DLG2: variants seen among roughly 807,000 people sequenced by gnomAD.
The protein encoded by DLG2 is disks large homolog 2.
DLG2 carries 45 observed loss-of-function variants against 132.5 expected under a neutral mutation model. That is an observed-to-expected ratio of 0.34 (90% CI 0.27 to 0.44). The LOEUF is 0.44. DLG2 is among the 20% of genes least tolerant of loss of function. The pLI, the probability that DLG2 is intolerant of heterozygous loss-of-function variation, is 1.00. For missense variants in DLG2, 1,045 were observed against 1,196.9 expected, an observed-to-expected ratio of 0.87 and a Z score of 1.87; for synonymous variants, 424 against 419.6, an observed-to-expected ratio of 1.01 and a Z score of -0.13.
At chr11:84,483,323 T>C (rs207472097) in intron 7 of DLG2, among the ~76,000 whole-genome samples, 1 of 150,554 alleles carries the variant, frequency 6.6e-6, no homozygotes, top group African/African-American at 2.5e-5. Flanking sequence ...TCCCAGCTAC[T>C]TGGGAGGCTA....
chr11:85,194,321 T>C (rs1222814581), intron 4 of DLG2, among the ~76,000 whole-genome samples: 2 of 152,108 alleles, frequency 1.3e-5, no homozygotes, highest in African/African-American at 2.4e-5. Context: ...GGAAAGAGTA[T>C]GGAAAAGCTG....
At chr11:85,207,701 A>ATTCATAT (rs1472684051) in intron 4 of DLG2, among the ~76,000 whole-genome samples, 1 of 152,090 alleles carries the variant, frequency 6.6e-6, no homozygotes, top group Non-Finnish European at 1.5e-5. Context: ...ATATCCAAAA[A>ATTCATAT]TTCATATTTT....
intron 6 of DLG2, chr11:84,922,942 G>T: frequency 9.2e-7 from 1 of 1,081,170 alleles, no homozygotes; most frequent in Non-Finnish European, 1.4e-6. Context: ...ATAAAACAAA[G>T]CCTTTGCAAC....
intron 3 of DLG2, among the ~76,000 whole-genome samples, chr11:85,392,932 C>A (rs191052556): frequency 1.4e-4 from 21 of 152,094 alleles, no homozygotes; most frequent in African/African-American, 4.8e-4. Context: ...ACTTGATAAC[C>A]AAGAACACAA....
At chr11:84,130,091 A>T (rs936454523) in intron 9 of DLG2, among the ~76,000 whole-genome samples, 1 of 152,052 alleles carries the variant, frequency 6.6e-6, no homozygotes, top group African/African-American at 2.4e-5. Context: ...TATTCTTGAG[A>T]TAGCACATAG....
chr11:83,652,009 CCT>C (rs1389288266), intron 18 of DLG2: 1 of 329,118 alleles, frequency 3.0e-6, no homozygotes, highest in Non-Finnish European at 6.4e-6. Flanking sequence ...CAAATTTGGC[CCT>C]GTTAGAGAAT....
Position 83,457,657 on chromosome 11 carries a change from C to G in DLG2, c.*2161G>C, listed in dbSNP as rs1237375122. 2.6e-5 allele frequency: 4 copies of G among 152,256 alleles called. No individual in the cohort carries two copies. Among genetic ancestry groups the G allele is most frequent in the Non-Finnish European group, 5.9e-5 (4 of 68,028 alleles). 9.4% of individuals were successfully genotyped at this position (152,256 alleles called of 1,614,324 possible). The stretch of plus-strand genomic sequence containing the variant: ...AATGGTTGCATGCTCAGTTGAGAAA[C>G]CAAAGAAGTTATCGTGGTGGCCTAA... On this transcript the variant is annotated 3_prime_UTR_variant, in exon 28 of 28. Transcript: ENST00000376104.
At chr11:84,042,289 A>T (rs1054150539) in intron 11 of DLG2, among the ~76,000 whole-genome samples, 1 of 151,742 alleles carries the variant, frequency 6.6e-6, no homozygotes, top group Non-Finnish European at 1.5e-5. Context: ...TTTAACTTTG[A>T]TATATCTTAA....
intron 7 of DLG2, among the ~76,000 whole-genome samples, chr11:84,270,008 T>C (rs994764546): frequency 2.8e-4 from 43 of 152,300 alleles, no homozygotes; most frequent in African/African-American, 8.7e-4. Flanking sequence ...AAAATGTGAG[T>C]GAGCTGATTG....
intron 6 of DLG2, among the ~76,000 whole-genome samples, chr11:84,796,839 TTTTATTTA>T (rs564095288): frequency 2.0e-5 from 3 of 149,750 alleles, no homozygotes; most frequent in African/African-American, 4.9e-5. Context: ...TTTTATTATA[TTTTATTTA>T]TTTATTTATT....
At chr11:83,510,353 A>T (rs1470193828) in intron 21 of DLG2, among the ~76,000 whole-genome samples, 1 of 152,110 alleles carries the variant, frequency 6.6e-6, no homozygotes. Context: ...AGAGAGTAAG[A>T]GGTCACTTGC....
intron 18 of DLG2, among the ~76,000 whole-genome samples, chr11:83,750,468 G>A (rs1390194938): frequency 1.3e-5 from 2 of 152,138 alleles, no homozygotes; most frequent in East Asian, 1.9e-4. Flanking sequence ...AGATAATTAT[G>A]CAGTTCAGTT....
At chr11:84,869,712 A>G (rs1392259582) in intron 6 of DLG2, among the ~76,000 whole-genome samples, 5 of 152,204 alleles carry the variant, frequency 3.3e-5, no homozygotes, top group African/African-American at 1.2e-4. Flanking sequence ...CTTCTAGACT[A>G]TACTCTCTGA....
chr11:84,815,211 T>C (rs2076969926), intron 6 of DLG2, among the ~76,000 whole-genome samples: 1 of 152,108 alleles, frequency 6.6e-6, no homozygotes, highest in Admixed American at 6.5e-5. Context: ...GCTTTATATC[T>C]GCACTCACTA....
chr11:85,403,917 C>A (rs2088458370), intron 3 of DLG2, among the ~76,000 whole-genome samples: 2 of 151,946 alleles, frequency 1.3e-5, no homozygotes, highest in African/African-American at 4.8e-5. Flanking sequence ...AAAGAAGTTT[C>A]TAATGTAGAA....
intron 17 of DLG2, among the ~76,000 whole-genome samples, chr11:83,798,093 C>T (rs529911110): frequency 3.9e-5 from 6 of 152,318 alleles, no homozygotes; most frequent in African/African-American, 1.4e-4. Flanking sequence ...GAAGGCAGAG[C>T]AAATGCTCAT....
At chr11:83,895,408 C>A (rs2071357770) in intron 15 of DLG2, among the ~76,000 whole-genome samples, 2 of 152,180 alleles carry the variant, frequency 1.3e-5, no homozygotes, top group South Asian at 4.1e-4. Flanking sequence ...GATCCGCCCG[C>A]CTCGGCTTTC....
intron 7 of DLG2, chr11:84,316,991 G>C: frequency 6.2e-7 from 1 of 1,612,762 alleles, no homozygotes; most frequent in Non-Finnish European, 8.5e-7. Context: ...TCCTGAGGAG[G>C]GCATGGTCTG....
intron 6 of DLG2, among the ~76,000 whole-genome samples, chr11:84,777,326 C>T (rs866882870): frequency 0.012 from 809 of 67,038 alleles, 7 homozygotes; most frequent in African/African-American, 0.036. Context: ...TATATATATA[C>T]GTTTTCTTTA....
Sources: gnomAD v4.1 joint callset for allele counts (sites outside exome capture counted in the v4.1 genomes callset) on GRCh38, gnomAD v4.1.1 for gene constraint, MANE v1.5 for transcripts, NCBI Gene and HGNC (gene_info 2026-07-23, HGNC 2026-07-21) for gene names.